The following MBOAT2 variants were observed in gnomAD, a reference collection of about 807,000 sequenced individuals.
The protein encoded by MBOAT2 is membrane-bound glycerophospholipid O-acyltransferase 2.
A neutral mutation model predicts 63.4 loss-of-function variants in MBOAT2; 28 were observed. That is an observed-to-expected ratio of 0.44 (90% CI 0.33 to 0.61). The LOEUF (loss-of-function observed/expected upper bound fraction) is 0.61, where lower values mean the gene tolerates loss of function less well. MBOAT2 is among the 20% of genes least tolerant of loss of function. MBOAT2 has a pLI of 0.03. For missense variants in MBOAT2, 470 were observed against 605.8 expected (o/e 0.78, Z 2.35); for synonymous variants, 211 against 215.6 (o/e 0.98, Z 0.19).
intron 3 of MBOAT2, among the ~76,000 whole-genome samples, chr2:8,941,260 C>T (rs1487123693): frequency 6.6e-6 from 1 of 152,108 alleles, no homozygotes; most frequent in East Asian, 1.9e-4. Flanking sequence ...ACTTACCTGC[C>T]CTAATCTTCT....
At chr2:8,958,965 C>T (rs1339284992) in intron 1 of MBOAT2, among the ~76,000 whole-genome samples, 1 of 152,134 alleles carries the variant, frequency 6.6e-6, no homozygotes, top group Admixed American at 6.5e-5. Context: ...GGGCACCTAT[C>T]GGTTAAAGGG....
intron 1 of MBOAT2, among the ~76,000 whole-genome samples, chr2:8,966,468 G>A (rs1056314083): frequency 6.6e-6 from 1 of 152,104 alleles, no homozygotes; most frequent in Non-Finnish European, 1.5e-5. Context: ...TTCTAGCTCC[G>A]TAACTTTTTA....
rs539494330 is a variant in MBOAT2, at chr2:8,916,249, T to C, written c.300-7533A>G. ...TCTCGTGACTTCCAGCTTCGAGAGGTAACTTTCTCTGCTGTTTACACCATT... is the reference window on the plus strand; with the variant it reads ...TCTCGTGACTTCCAGCTTCGAGAGGCAACTTTCTCTGCTGTTTACACCATT... On this transcript the variant is annotated intron_variant, in intron 3 of 12. Transcript: ENST00000305997. Among the ~76,000 whole-genome samples the C allele has an allele frequency of 3.9e-5, 6 of 152,284 alleles. No homozygotes were observed. In the East Asian group the frequency reaches 1.2e-3, roughly 29 times the overall value.
chr2:8,868,659 G>C (rs1275567630), intron 8 of MBOAT2, 110 bp from the exon 9 acceptor site: 1 of 813,962 alleles, frequency 1.2e-6, no homozygotes, highest in Non-Finnish European at 1.9e-6. Context: ...AGTAAAAGTA[G>C]ATTTATTCTG....
intron 12 of MBOAT2, 45 bp from the exon 13 acceptor site, chr2:8,858,949 A>G: frequency 7.2e-7 from 1 of 1,391,666 alleles, no homozygotes; most frequent in Non-Finnish European, 9.9e-7. Flanking sequence ...GATAATTAAT[A>G]ATCCTTAATA....
At chr2:8,958,472 TA>T in intron 2 of MBOAT2, 24 bp downstream of exon 2, 1 of 1,555,854 alleles carries the variant, frequency 6.4e-7, no homozygotes, top group Non-Finnish European at 8.7e-7. Context: ...GTCTTCATTT[TA>T]AAAGGATCAA....
At chr2:8,878,893 G>A (rs1280788863) in intron 6 of MBOAT2, among the ~76,000 whole-genome samples, 1 of 151,754 alleles carries the variant, frequency 6.6e-6, no homozygotes, top group East Asian at 1.9e-4. Context: ...CAGCTAAAAC[G>A]GTGAAACCCC....
intron 1 of MBOAT2, among the ~76,000 whole-genome samples, chr2:8,993,687 C>T (rs566622113): frequency 6.6e-6 from 1 of 152,312 alleles, no homozygotes; most frequent in African/African-American, 2.4e-5. Flanking sequence ...ACCTGGCCCT[C>T]TCTACCAGGA....
intron 5 of MBOAT2, 131 bp from the exon 6 acceptor site, chr2:8,882,696 G>T: frequency 2.5e-6 from 2 of 789,350 alleles, no homozygotes; most frequent in Non-Finnish European, 4.3e-6. Flanking sequence ...TATAATGACT[G>T]TTCCTTTCCT....
At position 8,926,227 on chromosome 2, in the gene MBOAT2, C is replaced by G. The variant is rs113733649; in HGVS notation, c.299+16960G>C. On this transcript the variant is annotated intron_variant, in intron 3 of 12. Transcript: ENST00000305997. ...CACTGAAGCCTTGACCTCCTGGGCT[C>G]AAGCGATTCCCCTACCTCAGCCTTC... Among the ~76,000 whole-genome samples the G allele has an allele frequency of 6.9e-3, 1,050 of 152,262 alleles. 12 individuals are homozygous for G. Among genetic ancestry groups the G allele is most frequent in the South Asian group, 0.02 (96 of 4,820 alleles).
At chr2:8,944,310 G>A (rs750854118) in intron 2 of MBOAT2, among the ~76,000 whole-genome samples, 6 of 152,064 alleles carry the variant, frequency 3.9e-5, no homozygotes, top group Non-Finnish European at 8.8e-5. Context: ...ATGCATGTCC[G>A]TGCATGCACA....
chr2:8,954,143 A>G (rs1229719256), intron 2 of MBOAT2, among the ~76,000 whole-genome samples: 1 of 151,206 alleles, frequency 6.6e-6, no homozygotes. Flanking sequence ...AATGAGTGTG[A>G]CTGTAGAGAA....
intron 2 of MBOAT2, among the ~76,000 whole-genome samples, chr2:8,957,081 G>A (rs1669279754): frequency 6.6e-6 from 1 of 152,112 alleles, no homozygotes; most frequent in Non-Finnish European, 1.5e-5. Flanking sequence ...TGTATAGACT[G>A]GGATATACTT....
intron 1 of MBOAT2, among the ~76,000 whole-genome samples, chr2:8,973,305 T>C (rs1670580756): frequency 7.5e-6 from 1 of 132,862 alleles, no homozygotes; most frequent in Non-Finnish European, 1.5e-5. Context: ...CACTCATTGG[T>C]GGGAACTGAA....
intron 1 of MBOAT2, among the ~76,000 whole-genome samples, chr2:8,999,666 C>T (rs1235350983): frequency 1.3e-5 from 2 of 152,218 alleles, no homozygotes; most frequent in Non-Finnish European, 2.9e-5. Context: ...ACAGCTCTTT[C>T]TCAGTCCATT....
chr2:8,907,734 A>G (rs972508503), intron 4 of MBOAT2, among the ~76,000 whole-genome samples: 3 of 152,142 alleles, frequency 2.0e-5, no homozygotes, highest in Non-Finnish European at 4.4e-5. Flanking sequence ...TTTCATCTGA[A>G]CCTATTTTTA....
intron 11 of MBOAT2, 81 bp from the exon 12 acceptor site, chr2:8,860,845 G>C: frequency 9.1e-7 from 1 of 1,104,838 alleles, no homozygotes. Context: ...ATCAACTGTT[G>C]GAAGGATGTG....
At chr2:8,978,769 C>T (rs1359269731) in intron 1 of MBOAT2, among the ~76,000 whole-genome samples, 2 of 151,816 alleles carry the variant, frequency 1.3e-5, no homozygotes, top group African/African-American at 2.4e-5. Context: ...CCATGGCACA[C>T]GTATACCTAT....
At chr2:8,995,560 A>C (rs1208351784) in intron 1 of MBOAT2, among the ~76,000 whole-genome samples, 2 of 152,100 alleles carry the variant, frequency 1.3e-5, no homozygotes, top group African/African-American at 4.8e-5. Flanking sequence ...TTAATGTGTT[A>C]AATATAAACA....
Sources: gnomAD v4.1 joint callset for allele counts (sites outside exome capture counted in the v4.1 genomes callset) on GRCh38, gnomAD v4.1.1 for gene constraint, MANE v1.5 for transcripts, NCBI Gene and HGNC (gene_info 2026-07-23, HGNC 2026-07-21) for gene names.